Variants in CPPED1 observed in about 807,000 individuals in gnomAD.
CPPED1 encodes the protein calcineurin like phosphoesterase domain containing 1.
In CPPED1, 28 loss-of-function variants were observed where a neutral mutation model predicts 28.0. That is an observed-to-expected ratio of 1.00 (90% CI 0.74 to 1.37). The LOEUF (loss-of-function observed/expected upper bound fraction) is 1.37, where lower values mean the gene tolerates loss of function less well. Ranked by LOEUF, CPPED1 falls within the 40% of genes most tolerant of loss-of-function variation. The pLI, the probability that CPPED1 is intolerant of heterozygous loss-of-function variation, is 0.00. For synonymous variants in CPPED1, 198 were observed against 180.2 expected (o/e 1.10, Z -0.79); for missense variants, 504 against 416.5 (o/e 1.21, Z -1.83).
chr16:12,676,041 TG>T (rs2141169476), intron 3 of CPPED1, among the ~76,000 whole-genome samples: 1 of 152,342 alleles, frequency 6.6e-6, no homozygotes, highest in Admixed American at 6.5e-5. Context: ...AAGCCCCACC[TG>T]ACTCATTCAG....
At position 12,664,321 on chromosome 16, in the gene CPPED1, A is replaced by C. The variant is rs971072708; in HGVS notation, c.*565T>G. On this transcript the variant is annotated 3_prime_UTR_variant, in exon 4 of 4. Coordinates refer to ENST00000381774, the MANE Select transcript of CPPED1 (RefSeq NM_018340.3). The surrounding 1 kb of genome is among the most constrained non-coding windows in gnomAD (Gnocchi z 4.2). ...CTGTTCCTATCATCAGAAGTCTCAG[A>C]ATTGAACAGTAAATGGTGCCTACTT... 2 of 968,726 alleles carry C rather than the reference A, an allele frequency of 2.1e-6. No homozygotes were observed. The highest frequency in any genetic ancestry group is 1.8e-5 in the African/African-American group (1 of 56,858). 60.0% of individuals were successfully genotyped at this position (968,726 alleles called of 1,614,324 possible).
chr16:12,756,921 G>A (rs958040706), intron 2 of CPPED1, among the ~76,000 whole-genome samples: 1 of 152,150 alleles, frequency 6.6e-6, no homozygotes, highest in African/African-American at 2.4e-5. Context: ...CATGTTAAAT[G>A]ATGTCAACAA....
intron 2 of CPPED1, among the ~76,000 whole-genome samples, chr16:12,766,385 T>C (rs1596477341): frequency 6.6e-6 from 1 of 151,776 alleles, no homozygotes; most frequent in Non-Finnish European, 1.5e-5. Flanking sequence ...AGGGGTTTAA[T>C]TGGACTTACA....
chr16:12,685,178 C>T (rs1333956337), intron 3 of CPPED1, among the ~76,000 whole-genome samples: 4 of 152,208 alleles, frequency 2.6e-5, no homozygotes, highest in South Asian at 2.1e-4. Context: ...CAGCCAGGTG[C>T]GGCGGCTCAC....
chr16:12,780,907 G>T (rs2080526428), intron 2 of CPPED1: 1 of 426,206 alleles, frequency 2.3e-6, no homozygotes, highest in African/African-American at 2.0e-5. Context: ...TGGAAATGCA[G>T]AAAGGTGATG....
chr16:12,664,337 G>A lies in CPPED1; in HGVS notation c.*549C>T, dbSNP rs1274905499. 2 of 983,152 alleles carry A rather than the reference G, an allele frequency of 2.0e-6. No individual in the cohort carries two copies. Among genetic ancestry groups the A allele is most frequent in the Non-Finnish European group, 2.4e-6 (2 of 827,338 alleles). 60.9% of individuals were successfully genotyped at this position (983,152 alleles called of 1,614,324 possible). ...AAGTCTCAGAATTGAACAGTAAATG[G>A]TGCCTACTTGGCTCCTTGTCAAAAT... On this transcript the variant is annotated 3_prime_UTR_variant, in exon 4 of 4. Coordinates refer to ENST00000381774, the MANE Select transcript of CPPED1 (RefSeq NM_018340.3). This position sits in a 1 kb window ranked among gnomAD's most constrained non-coding sequence, Gnocchi z 4.2.
At chr16:12,726,496 C>T (rs114483159) in intron 2 of CPPED1, among the ~76,000 whole-genome samples, 1,877 of 152,030 alleles carry the variant, frequency 0.012, 39 homozygotes, top group African/African-American at 0.042. Context: ...GCACATATCA[C>T]CACACCCAGC....
chr16:12,713,397 G>A (rs928099175), intron 2 of CPPED1, among the ~76,000 whole-genome samples: 9 of 152,026 alleles, frequency 5.9e-5, no homozygotes, highest in South Asian at 2.1e-4. Flanking sequence ...ATGGAGTCTC[G>A]CTCTGTCACG....
Position 12,705,153 on chromosome 16 carries a change from G to C in CPPED1, c.290-104C>G, listed in dbSNP as rs1263615920. 5.7e-6 allele frequency: 7 copies of C among 1,232,152 alleles called. No individual in the cohort carries two copies. In the Admixed American group the frequency reaches 1.7e-4, roughly 29 times the overall value. 76.3% of individuals were successfully genotyped at this position (1,232,152 alleles called of 1,614,324 possible). ...TAAAATTTAAAAAAAGAGTAATCTG[G>C]AAATCCACTCCACCTAGCACATGGA... On this transcript the variant is annotated intron_variant, in intron 2 of 3. Coordinates refer to ENST00000381774, the MANE Select transcript of CPPED1 (RefSeq NM_018340.3).
At chr16:12,789,078 T>A (rs571922408) in intron 1 of CPPED1, among the ~76,000 whole-genome samples, 23 of 152,326 alleles carry the variant, frequency 1.5e-4, no homozygotes. Context: ...TTTTAATTCA[T>A]GAGTTTCATA....
chr16:12,692,224 T>C (rs554039982), intron 3 of CPPED1, among the ~76,000 whole-genome samples: 98 of 152,280 alleles, frequency 6.4e-4, no homozygotes, highest in South Asian at 2.7e-3. Flanking sequence ...TAATACCCAC[T>C]GGTGGCACTT....
At chr16:12,737,208 A>C (rs1008530683) in intron 2 of CPPED1, among the ~76,000 whole-genome samples, 6 of 151,944 alleles carry the variant, frequency 3.9e-5, no homozygotes, top group Non-Finnish European at 8.8e-5. Context: ...AATAATAATA[A>C]TAATAAAAAA....
In CPPED1 at chr16:12,681,997, G is replaced by C. The variant is rs371408453; in HGVS notation, c.716-16882C>G. Among the ~76,000 whole-genome samples the C allele has an allele frequency of 9.9e-5, 15 of 152,092 alleles. No individual in the cohort carries two copies. In the East Asian group the frequency reaches 1.7e-3, roughly 18 times the overall value. ...AGCATCACTTCCCTATCCTGGACTC[G>C]AGGATTAGTTATGCTCCTCCAACCC... On this transcript the variant is annotated intron_variant, in intron 3 of 3. Coordinates refer to ENST00000381774, the MANE Select transcript of CPPED1 (RefSeq NM_018340.3).
At chr16:12,803,226 G>A (rs1224726608) in intron 1 of CPPED1, among the ~76,000 whole-genome samples, 3 of 152,190 alleles carry the variant, frequency 2.0e-5, no homozygotes, top group Non-Finnish European at 4.4e-5. Flanking sequence ...CCATTTCGGT[G>A]AATGACTTAA....
intron 2 of CPPED1, among the ~76,000 whole-genome samples, chr16:12,742,312 G>A (rs1319555683): frequency 6.6e-6 from 1 of 152,172 alleles, no homozygotes; most frequent in Non-Finnish European, 1.5e-5. Flanking sequence ...CACACAGGCA[G>A]GTATGAGGAG....
intron 3 of CPPED1, among the ~76,000 whole-genome samples, chr16:12,701,271 C>G (rs999041029): frequency 6.6e-6 from 1 of 151,642 alleles, no homozygotes; most frequent in Non-Finnish European, 1.5e-5. Context: ...GGCTCACACC[C>G]GTAATTCCAG....
In CPPED1 at chr16:12,664,907, C is replaced by A. The variant is rs531444451; in HGVS notation, c.924G>T (p.Met308Ile). 3.1e-6 allele frequency: 5 copies of A among 1,605,108 alleles called. No individual in the cohort carries two copies. In the East Asian group the frequency reaches 1.1e-4, roughly 36 times the overall value. The change falls in exon 4 of 4, where the codon ATG (methionine) becomes ATT (isoleucine). Residue 308 changes from methionine (M) to isoleucine (I), a missense_variant. Met to Ile is a conservative substitution (Grantham distance 10). Transcript: ENST00000381774. The surrounding 1 kb of genome is among the most constrained non-coding windows in gnomAD (Gnocchi z 4.2). Reference protein sequence around the residue: ...LSEKGIEDDLMDLIKKK With the variant: ...LSEKGIEDDLIDLIKKK ...AGCGTCATTTTTTCTTGATCAAATC[C>A]ATGAGATCGTCTTCTATTCCTTTCT...
chr16:12,756,020 A>G (rs2080364832), intron 2 of CPPED1, among the ~76,000 whole-genome samples: 1 of 151,992 alleles, frequency 6.6e-6, no homozygotes, highest in Non-Finnish European at 1.5e-5. Flanking sequence ...AGTCCCAGCT[A>G]CTCGGGAGGC....
chr16:12,679,932 C>T (rs2079896551), intron 3 of CPPED1, among the ~76,000 whole-genome samples: 1 of 152,068 alleles, frequency 6.6e-6, no homozygotes, highest in South Asian at 2.1e-4. Context: ...GAAAGATTAG[C>T]CAATGGAAAA....
Sources: allele counts gnomAD v4.1 joint callset (sites outside exome capture counted in the v4.1 genomes callset), GRCh38; gene constraint gnomAD v4.1.1; non-coding constraint Gnocchi (gnomAD v3.1); transcripts MANE v1.5; gene names NCBI Gene and HGNC (gene_info 2026-07-23, HGNC 2026-07-21).